CERS6: variants seen among roughly 807,000 people sequenced by gnomAD.
The protein encoded by CERS6 is LAG1 homolog, ceramide synthase 6.
CERS6 carries 26 observed loss-of-function variants against 56.8 expected under a neutral mutation model. That is an observed-to-expected ratio of 0.46 (90% CI 0.34 to 0.63). CERS6 has a LOEUF of 0.63. CERS6 is among the 30% of genes least tolerant of loss of function. The pLI is 0.01. For missense variants in CERS6, 415 were observed against 467.5 expected (o/e 0.89, Z 1.04); for synonymous variants, 164 against 173.3 (o/e 0.95, Z 0.42).
intron 8 of CERS6, 66 bp from the exon 9 acceptor site, chr2:168,765,526 G>A (rs906868793): frequency 2.6e-6 from 4 of 1,548,588 alleles, no homozygotes; most frequent in Non-Finnish European, 3.5e-6. Flanking sequence ...TTAATGCAGT[G>A]ACTAGAGTTC....
chr2:168,541,656 A>G (rs1378716790), intron 1 of CERS6, among the ~76,000 whole-genome samples: 1 of 152,174 alleles, frequency 6.6e-6, no homozygotes, highest in Non-Finnish European at 1.5e-5. Context: ...GCTTTCAAAA[A>G]TGTTGATGTT....
In CERS6 at chr2:168,459,322, G is replaced by T. The variant is rs183005355; in HGVS notation, c.170+2704G>T. 3.3e-5 allele frequency among the ~76,000 whole-genome samples: 5 copies of T among 152,360 alleles called. No individual in the cohort carries two copies. The East Asian group carries it at 9.6e-4, about 29-fold the overall frequency. Reference sequence around the variant, plus strand: ...TCTCTCTACTAAGAGAAACATCAAAGAATTGACTGAAATGGGCTTTGCCCA... The same window carrying T: ...TCTCTCTACTAAGAGAAACATCAAATAATTGACTGAAATGGGCTTTGCCCA... On this transcript the variant is annotated intron_variant, in intron 1 of 9. Transcript: ENST00000305747.
chr2:168,502,314 A>G (rs1361031662), intron 1 of CERS6, among the ~76,000 whole-genome samples: 1 of 152,136 alleles, frequency 6.6e-6, no homozygotes, highest in Admixed American at 6.5e-5. Context: ...TCAGACTCTG[A>G]AACTGTCTTT....
Position 168,586,556 on chromosome 2 carries a change from T to C in CERS6, c.407+25234T>C, listed in dbSNP as rs7600355. On this transcript the variant is annotated intron_variant, in intron 3 of 9. Transcript: ENST00000305747. ...TCAAATATAGCAAAGACTGTGTTTATTGGAAATATTTTAACTGTGGAGTTA... is the reference window on the plus strand; with the variant it reads ...TCAAATATAGCAAAGACTGTGTTTACTGGAAATATTTTAACTGTGGAGTTA... 5.0e-3 allele frequency among the ~76,000 whole-genome samples: 758 copies of C among 152,334 alleles called. 5 individuals are homozygous for C. The highest frequency in any genetic ancestry group is 0.017 in the African/African-American group (723 of 41,576).
chr2:168,622,986 T>G (rs374450480), intron 3 of CERS6, among the ~76,000 whole-genome samples: 11 of 152,212 alleles, frequency 7.2e-5, no homozygotes, highest in African/African-American at 2.7e-4. Context: ...TTTTATTGTT[T>G]AAGACATATG....
At chr2:168,559,733 T>TTATATATATATATATATATATA (rs61031993) in intron 2 of CERS6, among the ~76,000 whole-genome samples, 2,946 of 66,106 alleles carry the variant, frequency 0.045, 878 homozygotes, top group Middle Eastern at 0.096. Context: ...TAGAAAGGTA[T>TTATATATATATATATATATATA]CATATATATA....
intron 4 of CERS6, among the ~76,000 whole-genome samples, chr2:168,674,469 G>C (rs1294007104): frequency 3.3e-5 from 5 of 152,114 alleles, no homozygotes; most frequent in Non-Finnish European, 2.9e-5. Context: ...TTTGGCTTTT[G>C]GCTAGGAAGT....
intron 1 of CERS6, among the ~76,000 whole-genome samples, chr2:168,527,093 A>G (rs1180260547): frequency 6.6e-6 from 1 of 152,210 alleles, no homozygotes; most frequent in African/African-American, 2.4e-5. Context: ...TGTCAACAGA[A>G]GGTTCTAGAG....
chr2:168,671,712 T>G (rs1166763779), intron 4 of CERS6, among the ~76,000 whole-genome samples: 1 of 152,214 alleles, frequency 6.6e-6, no homozygotes, highest in African/African-American at 2.4e-5. Flanking sequence ...TTGCAACTCA[T>G]GATATATGAA....
chr2:168,644,428 C>A, intron 4 of CERS6: 1 of 844,778 alleles, frequency 1.2e-6, no homozygotes, highest in Non-Finnish European at 1.4e-6. Flanking sequence ...AAGGTGGGGT[C>A]AAGCATTCAA....
At chr2:168,752,279 A>ATATGTGTG (rs758179740) in intron 8 of CERS6, among the ~76,000 whole-genome samples, 2 of 132,514 alleles carry the variant, frequency 1.5e-5, no homozygotes, top group Non-Finnish European at 3.2e-5. Context: ...AAAAAAATAA[A>ATATGTGTG]TGTGTGTGTG....
intron 3 of CERS6, among the ~76,000 whole-genome samples, chr2:168,563,447 A>G (rs933541735): frequency 6.6e-6 from 1 of 152,252 alleles, no homozygotes; most frequent in Non-Finnish European, 1.5e-5. Context: ...TAATAGTGTT[A>G]TGGAAATAAG....
intron 8 of CERS6, among the ~76,000 whole-genome samples, chr2:168,730,106 C>A (rs552247974): frequency 6.6e-6 from 1 of 152,232 alleles, no homozygotes; most frequent in African/African-American, 2.4e-5. Context: ...TCGGCCCAGT[C>A]GAAGAAGACA....
intron 1 of CERS6, among the ~76,000 whole-genome samples, chr2:168,544,033 C>T (rs191057143): frequency 4.6e-5 from 7 of 152,296 alleles, no homozygotes; most frequent in Non-Finnish European, 8.8e-5. Flanking sequence ...ATTCAACCAT[C>T]AAATACTCAC....
chr2:168,672,208 G>T (rs1685935931), intron 4 of CERS6, among the ~76,000 whole-genome samples: 1 of 152,198 alleles, frequency 6.6e-6, no homozygotes, highest in Non-Finnish European at 1.5e-5. Context: ...TGGCCTAAAG[G>T]CTGATGGCTC....
intron 1 of CERS6, among the ~76,000 whole-genome samples, chr2:168,464,955 G>C (rs1423762847): frequency 6.6e-6 from 1 of 152,162 alleles, no homozygotes; most frequent in Non-Finnish European, 1.5e-5. Flanking sequence ...AATGTAAAAT[G>C]GTGCAACTGC....
At chr2:168,598,114 C>G (rs748118655) in intron 3 of CERS6, among the ~76,000 whole-genome samples, 1 of 152,228 alleles carries the variant, frequency 6.6e-6, no homozygotes, top group African/African-American at 2.4e-5. Flanking sequence ...AGTCACCACC[C>G]TAGAGATAAT....
At chr2:168,737,307 T>C (rs1683745921) in intron 8 of CERS6, among the ~76,000 whole-genome samples, 1 of 152,218 alleles carries the variant, frequency 6.6e-6, no homozygotes, top group East Asian at 1.9e-4. Context: ...CCACCAACAA[T>C]GGAAAATTCA....
intron 6 of CERS6, among the ~76,000 whole-genome samples, chr2:168,705,378 C>A (rs375873143): frequency 6.6e-6 from 1 of 151,806 alleles, no homozygotes. Context: ...GAAAAAAAAA[C>A]AAAAACAAAA....
Sources: allele counts gnomAD v4.1 joint callset (sites outside exome capture counted in the v4.1 genomes callset), GRCh38; gene constraint gnomAD v4.1.1; transcripts MANE v1.5; gene names NCBI Gene and HGNC (gene_info 2026-07-23, HGNC 2026-07-21).